Variants in MMUT observed in about 807,000 individuals in gnomAD.
MMUT encodes methylmalonyl-CoA mutase, mitochondrial.
In MMUT, 79 loss-of-function variants were observed where a neutral mutation model predicts 79.9. The ratio of observed to expected loss-of-function variants is 0.99; its 90% CI spans 0.82 to 1.19. The LOEUF is 1.19. Ranked by LOEUF, MMUT falls within the 50% of genes most tolerant of loss-of-function variation. The pLI, the probability that MMUT is intolerant of heterozygous loss-of-function variation, is 0.00. For missense variants in MMUT, 860 were observed against 917.2 expected, an observed-to-expected ratio of 0.94 and a Z score of 0.81; for synonymous variants, 273 against 295.7, an observed-to-expected ratio of 0.92 and a Z score of 0.79.
At chr6:49,436,634 T>C (rs527288496) in intron 11 of MMUT, among the ~76,000 whole-genome samples, 3 of 150,356 alleles carry the variant, frequency 2.0e-5, no homozygotes, top group East Asian at 3.9e-4. Flanking sequence ...CACATTCACA[T>C]GTATGTTCAT....
In MMUT at chr6:49,459,145, G is replaced by C. The variant is rs121918257; in HGVS notation, c.322C>G (p.Arg108Gly). The stretch of plus-strand genomic sequence containing the variant: ...ACAGTACTAAAACCAGCATACTGGC[G>C]GATGGTCCAGGGCCTAAAGGTATAC... The part of the protein sequence containing the change: ...TMYTFRPWTI[R>G]QYAGFSTVEE... Residue 108 changes from arginine to glycine, a missense_variant, in exon 2 of 13, where the codon CGC becomes GGC. Arg to Gly is a moderately radical substitution (Grantham distance 125). Transcript: ENST00000274813. The C allele has an allele frequency of 6.2e-7, 1 of 1,614,052 alleles. No homozygotes were observed. The highest frequency in any genetic ancestry group is 8.5e-7 in the Non-Finnish European group (1 of 1,180,002).
intron 12 of MMUT, among the ~76,000 whole-genome samples, chr6:49,433,649 A>G (rs1767045377): frequency 6.6e-6 from 1 of 152,176 alleles, no homozygotes; most frequent in Admixed American, 6.5e-5. Context: ...TCGTAGTAAC[A>G]TACTGATGAG....
chr6:49,459,821 T>G (rs1419666887), intron 1 of MMUT, among the ~76,000 whole-genome samples: 1 of 152,176 alleles, frequency 6.6e-6, no homozygotes, highest in African/African-American at 2.4e-5. Flanking sequence ...GTCACACTCC[T>G]CATGGAATTT....
intron 10 of MMUT, 56 bp downstream of exon 10, chr6:49,441,784 G>C (rs111673772): frequency 3.8e-6 from 6 of 1,565,734 alleles, no homozygotes; most frequent in Admixed American, 1.8e-5. Flanking sequence ...GTAGATTCAA[G>C]GGGATTGTGC....
chr6:49,448,374 C>A (rs923534147), intron 7 of MMUT, among the ~76,000 whole-genome samples: 1 of 152,012 alleles, frequency 6.6e-6, no homozygotes, highest in Non-Finnish European at 1.5e-5. Flanking sequence ...TCATTTTCCT[C>A]TCTTTTACTA....
chr6:49,448,707 T>C, intron 7 of MMUT, 109 bp downstream of exon 7: 2 of 918,246 alleles, frequency 2.2e-6, no homozygotes, highest in Non-Finnish European at 3.5e-6. Flanking sequence ...TTTACCCAAG[T>C]TCCATTTTTC....
At chr6:49,442,162 C>T (rs1236853089) in intron 9 of MMUT, among the ~76,000 whole-genome samples, 191 bp from the exon 10 acceptor site, 1 of 151,976 alleles carries the variant, frequency 6.6e-6, no homozygotes, top group Non-Finnish European at 1.5e-5. Context: ...ATTCTGGATG[C>T]CTTTATGCAT....
At position 49,459,338 on chromosome 6, in the gene MMUT, C is replaced by G; in HGVS notation, c.129G>C (p.Trp43Cys). The change falls in exon 2 of 13, where the codon TGG (tryptophan) becomes TGC (cysteine). Residue 43 changes from tryptophan to cysteine, a missense_variant. Physicochemically the swap from Trp to Cys is radical, Grantham distance 215. Coordinates refer to ENST00000274813, the MANE Select transcript of MMUT (RefSeq NM_000255.4). ...TCAGCTGCTTTTTAGCCAGGGCAGC[C>G]CATTCTGGGTGAAGGGGCTGTTGCT... is the stretch of plus-strand genomic sequence containing the variant. ...LHQQQPLHPEWAALAKKQLKG... is the reference protein window; with the variant it reads ...LHQQQPLHPECAALAKKQLKG... 6.2e-7 allele frequency: 1 copy of G among 1,614,002 alleles called. No individual in the cohort carries two copies. Among genetic ancestry groups the G allele is most frequent in the Non-Finnish European group, 8.5e-7 (1 of 1,179,996 alleles).
At chr6:49,459,579 CAGAAA>C in intron 1 of MMUT, 74 bp from the exon 2 acceptor site, 3 of 1,171,118 alleles carry the variant, frequency 2.6e-6, no homozygotes, top group Non-Finnish European at 3.6e-6. Context: ...AAGAAAGGAA[CAGAAA>C]AGAAAGAGGA....
At chr6:49,440,110 A>G in intron 11 of MMUT, 96 bp downstream of exon 11, 1 of 1,476,110 alleles carries the variant, frequency 6.8e-7, no homozygotes, top group South Asian at 1.1e-5. Context: ...CAGGAGATGT[A>G]TTAATTTGCT....
chr6:49,440,092 C>T, intron 11 of MMUT, 114 bp downstream of exon 11: 1 of 1,357,170 alleles, frequency 7.4e-7, no homozygotes, highest in Non-Finnish European at 1.0e-6. Context: ...TGGCTACATA[C>T]CAGTTACCAG....
chr6:49,442,052 A>C, intron 9 of MMUT, 81 bp from the exon 10 acceptor site: 1 of 1,401,618 alleles, frequency 7.1e-7, no homozygotes, highest in Admixed American at 1.8e-5. Flanking sequence ...CAATATAATT[A>C]AACATTTTAT....
At chr6:49,432,261 T>C (rs1302228474) in intron 12 of MMUT, among the ~76,000 whole-genome samples, 1 of 152,210 alleles carries the variant, frequency 6.6e-6, no homozygotes, top group African/African-American at 2.4e-5. Context: ...AGGTATTTTG[T>C]CTGCAGTTAG....
At chr6:49,435,962 A>C (rs1581818650) in intron 11 of MMUT, among the ~76,000 whole-genome samples, 1 of 152,228 alleles carries the variant, frequency 6.6e-6, no homozygotes, top group African/African-American at 2.4e-5. Context: ...AAAGCAGGCA[A>C]AAGACATGAA....
chr6:49,448,768 T>C, intron 7 of MMUT, 48 bp downstream of exon 7: 1 of 1,425,746 alleles, frequency 7.0e-7, no homozygotes, highest in Non-Finnish European at 9.9e-7. Flanking sequence ...AGAAATGAAT[T>C]TCTTTTTAAC....
At position 49,456,172 on chromosome 6, in the gene MMUT, G is replaced by C. The variant is rs1281890159; in HGVS notation, c.819C>G (p.Ala273=). The change falls in exon 4 of 13, where the codon GCC becomes GCG. Residue 273 remains alanine, a synonymous_variant. Coordinates refer to ENST00000274813, the MANE Select transcript of MMUT (RefSeq NM_000255.4). ...GYHMQEAGAD[A]ILELAYTLAD... ...CTAAAGTATAGGCCAGCTCCAGAAT[G>C]GCATCAGCCCCTGCTTCCTGCATAT... is the stretch of plus-strand genomic sequence containing the variant. 6.2e-7 allele frequency: 1 copy of C among 1,611,644 alleles called. No homozygotes were observed. The highest frequency in any genetic ancestry group is 1.3e-5 in the African/African-American group (1 of 74,774).
At chr6:49,454,535 T>C (rs1425106529) in intron 4 of MMUT, among the ~76,000 whole-genome samples, 4 of 152,210 alleles carry the variant, frequency 2.6e-5, no homozygotes, top group African/African-American at 9.7e-5. Context: ...CTTGAATTCC[T>C]GGCCTCATGT....
intron 11 of MMUT, among the ~76,000 whole-genome samples, chr6:49,435,926 TAAAC>T (rs1294560042): frequency 5.9e-5 from 9 of 152,084 alleles, no homozygotes; most frequent in South Asian, 2.1e-4. Context: ...ATAAAAAACT[TAAAC>T]AAATTTACAA....
intron 4 of MMUT, among the ~76,000 whole-genome samples, chr6:49,454,062 A>G (rs547579380): frequency 2.0e-5 from 3 of 152,344 alleles, no homozygotes; most frequent in South Asian, 2.1e-4. Context: ...TAAAAAATGT[A>G]TATTTTAGGA....
Sources: gnomAD v4.1 joint callset for allele counts (sites outside exome capture counted in the v4.1 genomes callset) on GRCh38, gnomAD v4.1.1 for gene constraint, MANE v1.5 for transcripts, NCBI Gene and HGNC (gene_info 2026-07-23, HGNC 2026-07-21) for gene names.